The following ROBO1 variants were observed in gnomAD, a reference collection of about 807,000 sequenced individuals.
The protein encoded by ROBO1 is roundabout guidance receptor 1.
ROBO1 carries 149 observed loss-of-function variants against 195.9 expected under a neutral mutation model. The ratio of observed to expected loss-of-function variants is 0.76; its 90% confidence interval spans 0.67 to 0.87. The LOEUF is 0.87. ROBO1 is among the 40% of genes least tolerant of loss of function. The probability of loss-of-function intolerance (pLI) is 0.00; values close to 1 mark genes in which losing one functional copy is unlikely to be tolerated. For missense variants in ROBO1, 1,933 were observed against 2,068.3 expected (o/e 0.93, Z 1.27); for synonymous variants, 816 against 733.2 (o/e 1.11, Z -1.82).
intron 2 of ROBO1, among the ~76,000 whole-genome samples, chr3:79,466,627 C>A (rs568322396): frequency 6.6e-6 from 1 of 151,880 alleles, no homozygotes; most frequent in South Asian, 2.1e-4. Flanking sequence ...AGGTTTTTTT[C>A]AATAGGGCAG....
chr3:79,269,659 CTG>C (rs1270798946), intron 2 of ROBO1, among the ~76,000 whole-genome samples: 5 of 151,786 alleles, frequency 3.3e-5, no homozygotes. Context: ...AATAATGTGT[CTG>C]TGAATTCTCA....
chr3:79,274,759 G>A (rs1167907998), intron 2 of ROBO1, among the ~76,000 whole-genome samples: 1 of 151,752 alleles, frequency 6.6e-6, no homozygotes, highest in African/African-American at 2.4e-5. Context: ...AGAAAAAAAG[G>A]GGTAAGACCA....
chr3:78,935,273 GC>G (rs2039742995), intron 4 of ROBO1, among the ~76,000 whole-genome samples: 1 of 152,038 alleles, frequency 6.6e-6, no homozygotes, highest in Admixed American at 6.6e-5. Context: ...GCAGATGTCT[GC>G]CTAGTCTGGA....
intron 2 of ROBO1, among the ~76,000 whole-genome samples, chr3:79,174,128 G>A (rs4519664): frequency 0.088 from 13,446 of 152,030 alleles, 1,022 homozygotes; most frequent in African/African-American, 0.2. Context: ...AACCTGCTCA[G>A]GTCCCCTTCC....
intron 1 of ROBO1, among the ~76,000 whole-genome samples, chr3:79,662,837 C>A (rs1272383354): frequency 6.6e-6 from 1 of 151,992 alleles, no homozygotes; most frequent in Non-Finnish European, 1.5e-5. Flanking sequence ...CTTTATAAGA[C>A]TGTCACTTAG....
At chr3:78,760,852 G>A (rs1200615551) in intron 4 of ROBO1, among the ~76,000 whole-genome samples, 1 of 151,780 alleles carries the variant, frequency 6.6e-6, no homozygotes, top group Non-Finnish European at 1.5e-5. Flanking sequence ...TTGTTGCGTG[G>A]GTTAGTCTTG....
At chr3:79,014,572 T>G (rs1248975215) in intron 3 of ROBO1, among the ~76,000 whole-genome samples, 2 of 152,350 alleles carry the variant, frequency 1.3e-5, no homozygotes, top group African/African-American at 4.8e-5. Context: ...TTCCACTGTA[T>G]CCCTGCCTAT....
chr3:79,008,927 G>GTGTGTGTA, intron 3 of ROBO1, among the ~76,000 whole-genome samples: 1 of 148,818 alleles, frequency 6.7e-6, no homozygotes, highest in East Asian at 2.0e-4. Context: ...GTGTGTGTGT[G>GTGTGTGTA]TGTATGGTTT....
chr3:79,463,305 T>G (rs1349086988), intron 2 of ROBO1, among the ~76,000 whole-genome samples: 2 of 150,836 alleles, frequency 1.3e-5, no homozygotes, highest in Admixed American at 6.6e-5. Flanking sequence ...AACCCAGGAG[T>G]CAGAGCTTGC....
chr3:79,077,571 A>G (rs1006811863), intron 3 of ROBO1, among the ~76,000 whole-genome samples: 1 of 151,878 alleles, frequency 6.6e-6, no homozygotes, highest in Non-Finnish European at 1.5e-5. Flanking sequence ...ACTATTTTGT[A>G]AAGGAAATTT....
rs1052127921 is a variant in ROBO1 at position 78,643,514 on chromosome 3, G to T, written c.2882+2634C>A. On this transcript the variant is annotated intron_variant, in intron 21 of 30. Coordinates refer to ENST00000464233, the MANE Select transcript of ROBO1 (RefSeq NM_002941.4). ...TCCAGACCTATGTAATACATGCACA[G>T]TGTAGTAAGGACACATAAGAGAATG... Among the ~76,000 whole-genome samples the T allele has an allele frequency of 2.9e-4, 44 of 152,174 alleles. 3 individuals are homozygous for T. Among genetic ancestry groups the T allele is most frequent in the Admixed American group, 2.9e-3 (44 of 15,268 alleles).
At chr3:79,665,414 A>G (rs1487933270) in intron 1 of ROBO1, among the ~76,000 whole-genome samples, 1 of 151,924 alleles carries the variant, frequency 6.6e-6, no homozygotes, top group Non-Finnish European at 1.5e-5. Context: ...CCATAAAAAC[A>G]TATATTTTCA....
intron 1 of ROBO1, among the ~76,000 whole-genome samples, chr3:79,638,254 A>G (rs1042135662): frequency 6.6e-6 from 1 of 152,046 alleles, no homozygotes; most frequent in African/African-American, 2.4e-5. Context: ...GATACTTCTC[A>G]TGGTAGATTT....
intron 2 of ROBO1, among the ~76,000 whole-genome samples, chr3:79,526,041 T>C (rs142982819): frequency 6.6e-6 from 1 of 152,314 alleles, no homozygotes; most frequent in African/African-American, 2.4e-5. Flanking sequence ...TTAGAGATAA[T>C]TTCCAAAGTA....
intron 1 of ROBO1, among the ~76,000 whole-genome samples, chr3:79,613,423 A>C (rs1944725969): frequency 6.6e-6 from 1 of 152,102 alleles, no homozygotes; most frequent in African/African-American, 2.4e-5. Context: ...AGCCAATAGT[A>C]GATATAAAAC....
chr3:79,375,634 AAGGGGACCTT>A (rs978200751), intron 2 of ROBO1, among the ~76,000 whole-genome samples: 1 of 152,184 alleles, frequency 6.6e-6, no homozygotes, highest in African/African-American at 2.4e-5. Context: ...AGAAGTTTCC[AAGGGGACCTT>A]AGTCAAGTGT....
At position 79,767,878 on chromosome 3, in the gene ROBO1, G is replaced by GA. The variant is rs1705081592; in HGVS notation, c.-178dup. 6.6e-6 allele frequency: 1 copy of GA among 152,206 alleles called. No individual in the cohort carries two copies. Among genetic ancestry groups the GA allele is most frequent in the South Asian group, 2.1e-4 (1 of 4,830 alleles). 9.4% of individuals were successfully genotyped at this position (152,206 alleles called of 1,614,324 possible). On this transcript the variant is annotated 5_prime_UTR_variant, in exon 1 of 31. Coordinates refer to ENST00000464233, the MANE Select transcript of ROBO1 (RefSeq NM_002941.4). ...AAAGGTGACAGACTTTTAAACCTAA[G>GA]AGTGGGGAAATAGGGAGAGAGTGAA...
At chr3:78,676,643 T>G (rs1708450686) in intron 10 of ROBO1, among the ~76,000 whole-genome samples, 1 of 151,942 alleles carries the variant, frequency 6.6e-6, no homozygotes, top group Non-Finnish European at 1.5e-5. Flanking sequence ...TAAAAAGAAA[T>G]GAACAAAGCC....
intron 2 of ROBO1, among the ~76,000 whole-genome samples, chr3:79,394,087 G>T (rs1459839708): frequency 1.3e-5 from 2 of 151,762 alleles, no homozygotes; most frequent in African/African-American, 2.4e-5. Context: ...CAAATCAAGA[G>T]AAATCAGTTG....
Sources: gnomAD v4.1 joint callset for allele counts (sites outside exome capture counted in the v4.1 genomes callset) on GRCh38, gnomAD v4.1.1 for gene constraint, MANE v1.5 for transcripts, NCBI Gene and HGNC (gene_info 2026-07-23, HGNC 2026-07-21) for gene names.